The following MCEE variants were observed in gnomAD, a reference collection of about 807,000 sequenced individuals.
The protein encoded by MCEE is methylmalonyl-CoA epimerase.
A neutral mutation model predicts 12.9 loss-of-function variants in MCEE; 6 were observed. That is an observed-to-expected ratio of 0.47 (90% CI 0.26 to 0.92). The LOEUF is 0.92. MCEE is among the 40% of genes least tolerant of loss of function. MCEE has a pLI of 0.16. For missense variants in MCEE, 214 were observed against 212.1 expected, an observed-to-expected ratio of 1.01 and a Z score of -0.05; for synonymous variants, 78 against 77.9, an observed-to-expected ratio of 1.00 and a Z score of -0.01.
chr2:71,117,725 G>A (rs1673021012), intron 2 of MCEE: 1 of 150,032 alleles, frequency 6.7e-6, no homozygotes, highest in Admixed American at 6.6e-5. Context: ...TTTCTCATGT[G>A]CTTTTCCCCA....
At position 71,124,507 on chromosome 2, in the gene MCEE, A is replaced by G. The variant is rs1673177873; in HGVS notation, c.77T>C (p.Val26Ala). 6.2e-7 allele frequency: 1 copy of G among 1,614,092 alleles called. No individual in the cohort carries two copies. Among genetic ancestry groups the G allele is most frequent in the Non-Finnish European group, 8.5e-7 (1 of 1,180,036 alleles). ...FSRLQAPIPT[V>A]RASSTSQPLD... is the part of the protein sequence containing the mutation. ...GGGCTGTGATGTGGAAGAAGCTCTT[A>G]CTGTTGGAATGGGAGCTTGAAGTCT... The change falls in exon 2 of 3, where the codon GTA becomes GCA. Residue 26 changes from valine (V) to alanine (A), a missense_variant. Val to Ala is a moderately conservative substitution (Grantham distance 64). Transcript: ENST00000244217.
At chr2:71,123,448 G>T (rs763692742) in intron 2 of MCEE, among the ~76,000 whole-genome samples, 1 of 146,666 alleles carries the variant, frequency 6.8e-6, no homozygotes, top group Non-Finnish European at 1.5e-5. Flanking sequence ...CCGAGATCAC[G>T]CCACACTGCA....
At chr2:71,125,910 A>G (rs963252536) in intron 1 of MCEE, among the ~76,000 whole-genome samples, 4 of 152,232 alleles carry the variant, frequency 2.6e-5, no homozygotes, top group Admixed American at 6.5e-5. Context: ...CCGAGTACAC[A>G]TATACATAAA....
chr2:71,113,522 G>A (rs1471795393), intron 2 of MCEE, among the ~76,000 whole-genome samples: 2 of 152,068 alleles, frequency 1.3e-5, no homozygotes, highest in Non-Finnish European at 2.9e-5. Flanking sequence ...TGAATTTGGA[G>A]TATCTTACAG....
At chr2:71,125,211 A>ATTTTTTTTTTTTTTTTTTTTT (rs1243506608) in intron 1 of MCEE, among the ~76,000 whole-genome samples, 2 of 48,594 alleles carry the variant, frequency 4.1e-5, no homozygotes, top group Non-Finnish European at 8.8e-5. Flanking sequence ...ATATATATAT[A>ATTTTTTTTTTTTTTTTTTTTT]TTTTTTTTTT....
intron 2 of MCEE, among the ~76,000 whole-genome samples, chr2:71,112,172 T>C (rs921362943): frequency 6.6e-6 from 1 of 152,240 alleles, no homozygotes; most frequent in Non-Finnish European, 1.5e-5. Context: ...AGTCTCACTC[T>C]GTCACCCAGG....
intron 1 of MCEE, among the ~76,000 whole-genome samples, chr2:71,125,269 C>T (rs1258377740): frequency 3.1e-5 from 4 of 127,878 alleles, no homozygotes; most frequent in South Asian, 2.6e-4. Flanking sequence ...AGTGAAGTGG[C>T]GCGATCTGGG....
chr2:71,118,147 C>G (rs2103626032), intron 2 of MCEE, among the ~76,000 whole-genome samples: 1 of 150,270 alleles, frequency 6.7e-6, no homozygotes, highest in Admixed American at 6.6e-5. Context: ...CTGCCCCCTA[C>G]CCCATGTGAA....
chr2:71,113,767 A>G (rs1672937321), intron 2 of MCEE, among the ~76,000 whole-genome samples: 1 of 152,204 alleles, frequency 6.6e-6, no homozygotes, highest in African/African-American at 2.4e-5. Flanking sequence ...TTGCATAATG[A>G]CTTCCTTCCA....
chr2:71,125,232 G>A (rs1156983649), intron 1 of MCEE, among the ~76,000 whole-genome samples: 3 of 39,598 alleles, frequency 7.6e-5, no homozygotes, highest in African/African-American at 1.2e-4. Flanking sequence ...TTTTTGAGAC[G>A]GAGTCTCACT....
intron 1 of MCEE, among the ~76,000 whole-genome samples, chr2:71,125,211 A>ATATATATATATATTTTTTTTTTTTTT: frequency 6.0e-4 from 29 of 48,576 alleles, no homozygotes; most frequent in Non-Finnish European, 9.3e-4. Context: ...ATATATATAT[A>ATATATATATATATTTTTTTTTTTTTT]TTTTTTTTTT....
intron 1 of MCEE, among the ~76,000 whole-genome samples, 177 bp from the exon 2 acceptor site, chr2:71,124,720 G>C (rs1673182378): frequency 6.6e-6 from 1 of 152,040 alleles, no homozygotes; most frequent in Admixed American, 6.6e-5. Flanking sequence ...GAATTACTCT[G>C]CTCTGCCCAT....
In MCEE at chr2:71,117,903, C is replaced by T. The variant is rs543045620; in HGVS notation, c.378+6303G>A. On this transcript the variant is annotated intron_variant, in intron 2 of 2. Transcript: ENST00000244217. ...AGCCCCTCCCTCAGCCTCAGCACTG[C>T]ACTCATCACCCTCCATGTGCTCCAA... Among the ~76,000 whole-genome samples the T allele has an allele frequency of 7.2e-4, 108 of 149,970 alleles. 3 individuals are homozygous for T. The highest frequency in any genetic ancestry group is 1.3e-3 in the Non-Finnish European group (88 of 67,992).
At chr2:71,129,034 C>T (rs891542458) in intron 1 of MCEE, among the ~76,000 whole-genome samples, 1 of 151,582 alleles carries the variant, frequency 6.6e-6, no homozygotes, top group African/African-American at 2.4e-5. Context: ...CAACCACACA[C>T]ACACACACAC....
At position 71,116,294 on chromosome 2, in the gene MCEE, G is replaced by A. The variant is rs935684938; in HGVS notation, c.379-6172C>T. 1.0e-4 allele frequency among the ~76,000 whole-genome samples: 15 copies of A among 149,994 alleles called. 1 individual carries two copies. The highest frequency in any genetic ancestry group is 1.9e-4 in the East Asian group (1 of 5,164). On this transcript the variant is annotated intron_variant, in intron 2 of 2. Coordinates refer to ENST00000244217, the MANE Select transcript of MCEE (RefSeq NM_032601.4). ...TCACCGTGTTAGCCAGGATGGTCTC[G>A]ATCTCCTGACCTCGTGATCCACCCG...
intron 1 of MCEE, among the ~76,000 whole-genome samples, chr2:71,125,211 A>ATATATATATTTTTT: frequency 4.3e-4 from 21 of 48,600 alleles, no homozygotes; most frequent in Admixed American, 6.6e-4. Context: ...ATATATATAT[A>ATATATATATTTTTT]TTTTTTTTTT....
Position 71,124,556 on chromosome 2 carries a change from A to T in MCEE, c.41-13T>A, listed in dbSNP as rs192296685. Reference sequence around the variant, plus strand: ...CTGGAAAAAAGCCCTGAAAAATTGAACAGCCATTGATATCCTTCTTTTGAG... The same window carrying T: ...CTGGAAAAAAGCCCTGAAAAATTGATCAGCCATTGATATCCTTCTTTTGAG... On this transcript the variant is annotated splice_polypyrimidine_tract_variant and intron_variant, in intron 1 of 2. Coordinates refer to ENST00000244217, the MANE Select transcript of MCEE (RefSeq NM_032601.4). 1,145 of 1,599,436 alleles carry T rather than the reference A, an allele frequency of 7.2e-4. 16 individuals are homozygous for T. The African/African-American group carries it at 0.014, about 20-fold the overall frequency.
Position 71,124,450 on chromosome 2 carries a change from A to G in MCEE, c.134T>C (p.Leu45Pro). ...LDQVTGSVWN[L>P]GRLNHVAIAV... The stretch of plus-strand genomic sequence containing the variant: ...TATGGCTACATGGTTGAGTCGACCC[A>G]GGTTCCACACAGAACCTGTCACTTG... Residue 45 changes from leucine (L) to proline (P), a missense_variant, in exon 2 of 3, where the codon CTG (leucine) becomes CCG (proline). Leu to Pro is a moderately conservative substitution (Grantham distance 98). Coordinates refer to ENST00000244217, the MANE Select transcript of MCEE (RefSeq NM_032601.4). The G allele has an allele frequency of 6.2e-7, 1 of 1,614,180 alleles. No homozygotes were observed. Among genetic ancestry groups the G allele is most frequent in the East Asian group, 2.2e-5 (1 of 44,890 alleles).
chr2:71,127,117 A>C (rs1673250844), intron 1 of MCEE, among the ~76,000 whole-genome samples: 1 of 152,276 alleles, frequency 6.6e-6, no homozygotes, highest in African/African-American at 2.4e-5. Context: ...AGAAGTGTTA[A>C]TAAAAAACGC....
Sources: allele counts gnomAD v4.1 joint callset (sites outside exome capture counted in the v4.1 genomes callset), GRCh38; gene constraint gnomAD v4.1.1; transcripts MANE v1.5; gene names NCBI Gene and HGNC (gene_info 2026-07-23, HGNC 2026-07-21).